Variants in PAK5 observed in about 807,000 individuals in gnomAD.
PAK5 encodes p21 (RAC1) activated kinase 5.
In PAK5, 16 loss-of-function variants were observed where a neutral mutation model predicts 65.9. The observed-to-expected ratio is 0.24, with a 90% CI of 0.16 to 0.37. The LOEUF is 0.37. PAK5 is among the 10% of genes least tolerant of loss of function. The pLI, the probability that PAK5 is intolerant of heterozygous loss-of-function variation, is 1.00. For missense variants in PAK5, 785 were observed against 903.9 expected, an observed-to-expected ratio of 0.87 and a Z score of 1.69; for synonymous variants, 371 against 354.9, an observed-to-expected ratio of 1.05 and a Z score of -0.51.
chr20:9,551,629 G>C (rs1010435452), intron 7 of PAK5, among the ~76,000 whole-genome samples: 1 of 152,178 alleles, frequency 6.6e-6, no homozygotes, highest in African/African-American at 2.4e-5. Flanking sequence ...AAAGAATTCT[G>C]TGTCTGCTCT....
At chr20:9,683,922 T>G (rs1212721876) in intron 2 of PAK5, among the ~76,000 whole-genome samples, 2 of 152,162 alleles carry the variant, frequency 1.3e-5, no homozygotes, top group Non-Finnish European at 2.9e-5. Flanking sequence ...CTTCTTGGAA[T>G]GGTCCAGAAA....
At chr20:9,739,208 A>C (rs1344587021) in intron 1 of PAK5, among the ~76,000 whole-genome samples, 1 of 148,016 alleles carries the variant, frequency 6.8e-6, no homozygotes, top group Non-Finnish European at 1.5e-5. Context: ...TTGAATCAAC[A>C]CAAGTTCTTT....
At chr20:9,581,769 C>A (rs532487443) in intron 3 of PAK5, among the ~76,000 whole-genome samples, 1 of 152,050 alleles carries the variant, frequency 6.6e-6, no homozygotes, top group East Asian at 1.9e-4. Context: ...GCCCGTCAGC[C>A]GTGCCTTGAC....
At chr20:9,821,576 G>T (rs528130924) in intron 1 of PAK5, among the ~76,000 whole-genome samples, 1 of 151,958 alleles carries the variant, frequency 6.6e-6, no homozygotes, top group South Asian at 2.1e-4. Context: ...TATCCTAAAC[G>T]ACCTCAACTG....
At chr20:9,682,856 T>C (rs73242823) in intron 2 of PAK5, among the ~76,000 whole-genome samples, 2,372 of 152,288 alleles carry the variant, frequency 0.016, 22 homozygotes, top group Middle Eastern at 0.041. Context: ...ACATCTTGTA[T>C]ATGGGATGAT....
At chr20:9,684,643 A>G (rs1179789618) in intron 2 of PAK5, among the ~76,000 whole-genome samples, 1 of 152,152 alleles carries the variant, frequency 6.6e-6, no homozygotes, top group Admixed American at 6.6e-5. Flanking sequence ...CTTTCTATAA[A>G]TGCATTTTTT....
chr20:9,828,665 A>C (rs1376326987), intron 1 of PAK5, among the ~76,000 whole-genome samples: 1 of 152,246 alleles, frequency 6.6e-6, no homozygotes, highest in Non-Finnish European at 1.5e-5. Context: ...CACCATTTGC[A>C]TGAATCCAGT....
At position 9,625,117 on chromosome 20, in the gene PAK5, GCTTCCACCACCACCA is replaced by G; in HGVS notation, c.204+18993_204+19007del. Among the ~76,000 whole-genome samples the G allele has an allele frequency of 2.0e-5, 3 of 152,044 alleles. No homozygotes were observed. The Middle Eastern group carries it at 0.01, about 517-fold the overall frequency. ...CTCCACTGGCATCACTGTCTCCACAGCTTCCACCACCACCACTTCCACCACCTTTAACCACCTCCA... is the reference window on the plus strand; with the variant it reads ...CTCCACTGGCATCACTGTCTCCACAGCTTCCACCACCTTTAACCACCTCCA... On this transcript the variant is annotated intron_variant, in intron 3 of 9. Transcript: ENST00000353224.
intron 2 of PAK5, among the ~76,000 whole-genome samples, chr20:9,682,420 G>A (rs6056800): frequency 0.044 from 6,748 of 152,184 alleles, 486 homozygotes; most frequent in African/African-American, 0.15. Context: ...TGAGGATCTT[G>A]GTGAGAAAAG....
intron 3 of PAK5, among the ~76,000 whole-genome samples, chr20:9,585,811 A>T (rs2046058658): frequency 6.6e-6 from 1 of 152,208 alleles, no homozygotes; most frequent in Non-Finnish European, 1.5e-5. Context: ...TGTAAATATG[A>T]TATGAATTAA....
At chr20:9,837,898 C>T (rs960405686) in intron 1 of PAK5, among the ~76,000 whole-genome samples, 1 of 152,150 alleles carries the variant, frequency 6.6e-6, no homozygotes, top group African/African-American at 2.4e-5. Context: ...CATAAATAGC[C>T]TCAGCGTTTC....
intron 3 of PAK5, among the ~76,000 whole-genome samples, chr20:9,618,059 T>C (rs2046693286): frequency 6.6e-6 from 1 of 152,092 alleles, no homozygotes; most frequent in Non-Finnish European, 1.5e-5. Context: ...GTGGAGGTAA[T>C]ATTAGTATAA....
chr20:9,688,892 C>T (rs1277679199), intron 2 of PAK5, among the ~76,000 whole-genome samples: 1 of 152,094 alleles, frequency 6.6e-6, no homozygotes, highest in Non-Finnish European at 1.5e-5. Context: ...CTCAGATTAC[C>T]AAGTGATAGA....
At position 9,838,913 on chromosome 20, in the gene PAK5, G is replaced by A. The variant is rs1979375652; in HGVS notation, c.-313C>T. On this transcript the variant is annotated 5_prime_UTR_variant, in exon 1 of 10. Transcript: ENST00000353224. This position sits in a 1 kb window ranked among gnomAD's most constrained non-coding sequence, Gnocchi z 4.5. ...AAGGGGGGCGGGGGCCAGCGGGAGG[G>A]GGTGAGAGGCAGAGCCACAGCTTTC... 6.6e-6 allele frequency: 1 copy of A among 152,252 alleles called. No individual in the cohort carries two copies. Among genetic ancestry groups the A allele is most frequent in the South Asian group, 2.1e-4 (1 of 4,828 alleles). The allele number at this position is 152,252 out of a possible 1,614,324, so 9.4% of individuals were successfully genotyped here. A position where few individuals can be genotyped will look rare whatever the true frequency, so the allele number is the denominator to read the frequency against.
chr20:9,576,719 C>T (rs1263907538), intron 4 of PAK5, among the ~76,000 whole-genome samples: 2 of 152,224 alleles, frequency 1.3e-5, no homozygotes, highest in African/African-American at 4.8e-5. Context: ...GAAATGCATG[C>T]AATGTCTGGT....
At chr20:9,610,157 C>T (rs2046531740) in intron 3 of PAK5, among the ~76,000 whole-genome samples, 1 of 152,106 alleles carries the variant, frequency 6.6e-6, no homozygotes, top group Admixed American at 6.6e-5. Flanking sequence ...TGAAATCACA[C>T]CGCCATACGC....
intron 3 of PAK5, among the ~76,000 whole-genome samples, chr20:9,586,268 C>A (rs899070456): frequency 2.6e-5 from 4 of 152,114 alleles, no homozygotes; most frequent in Non-Finnish European, 4.4e-5. Context: ...GAAAAAAAAT[C>A]ATTCCCTGTG....
intron 4 of PAK5, among the ~76,000 whole-genome samples, chr20:9,578,456 G>A (rs1237977683): frequency 6.6e-6 from 1 of 152,138 alleles, no homozygotes; most frequent in South Asian, 2.1e-4. Context: ...CCAACATCCA[G>A]GAAGAGCCAA....
chr20:9,702,531 G>T, intron 2 of PAK5, among the ~76,000 whole-genome samples: 1 of 152,108 alleles, frequency 6.6e-6, no homozygotes, highest in East Asian at 1.9e-4. Context: ...ATTAAAAACG[G>T]AATAAACATG....
Sources: gnomAD v4.1 joint callset for allele counts (sites outside exome capture counted in the v4.1 genomes callset) on GRCh38, gnomAD v4.1.1 for gene constraint, Gnocchi (gnomAD v3.1) non-coding constraint, MANE v1.5 for transcripts, NCBI Gene and HGNC (gene_info 2026-07-23, HGNC 2026-07-21) for gene names.